Variants in PABPC4L observed in about 807,000 individuals in gnomAD.
The protein encoded by PABPC4L is polyadenylate-binding protein 4-like.
For missense variants in PABPC4L, 452 were observed against 451.4 expected (o/e 1.00, Z -0.01); for synonymous variants, 169 against 164.1 (o/e 1.03, Z -0.23).
chr4:134,000,499 TA>T, the PABPC4L span, among the ~76,000 whole-genome samples: 1 of 152,142 alleles, frequency 6.6e-6, no homozygotes, highest in Admixed American at 6.5e-5. Flanking sequence ...TAATCTAACC[TA>T]AAAAATTGGT....
At chr4:134,160,957 G>A in the PABPC4L span, among the ~76,000 whole-genome samples, 4 of 152,006 alleles carry the variant, frequency 2.6e-5, no homozygotes, top group East Asian at 1.9e-4. Context: ...ACCAGTGACC[G>A]ATTCTGGAGT....
the PABPC4L span, among the ~76,000 whole-genome samples, chr4:134,127,258 C>T: frequency 6.6e-6 from 1 of 152,048 alleles, no homozygotes; most frequent in Non-Finnish European, 1.5e-5. Flanking sequence ...CGCCCCCCAC[C>T]TGACCCTAGG....
chr4:134,067,529 G>A, the PABPC4L span, among the ~76,000 whole-genome samples: 3 of 151,662 alleles, frequency 2.0e-5, no homozygotes, highest in South Asian at 2.1e-4. Flanking sequence ...AATTTCCTTC[G>A]GTTCAGCTCT....
chr4:134,094,960 A>G, the PABPC4L span, among the ~76,000 whole-genome samples: 1 of 151,912 alleles, frequency 6.6e-6, no homozygotes, highest in Non-Finnish European at 1.5e-5. Context: ...AACAATTTAG[A>G]AAATTTTATA....
At chr4:133,981,546 AG>A in the PABPC4L span, among the ~76,000 whole-genome samples, 16 of 119,066 alleles carry the variant, frequency 1.3e-4, no homozygotes, top group African/African-American at 3.2e-4. Context: ...TTATCTTAAC[AG>A]GGGGAAAAAT....
At chr4:133,965,102 C>T in the PABPC4L span, among the ~76,000 whole-genome samples, 2 of 152,004 alleles carry the variant, frequency 1.3e-5, no homozygotes, top group South Asian at 2.1e-4. Context: ...CTAGAACTGA[C>T]AAAATAATTC....
At chr4:134,085,425 TATACACACATA>T in the PABPC4L span, among the ~76,000 whole-genome samples, 1 of 152,078 alleles carries the variant, frequency 6.6e-6, no homozygotes, top group Non-Finnish European at 1.5e-5. Context: ...ATTTATAAAA[TATACACACATA>T]ATACACAAAC....
At chr4:133,965,392 G>A in the PABPC4L span, among the ~76,000 whole-genome samples, 4 of 151,960 alleles carry the variant, frequency 2.6e-5, no homozygotes, top group African/African-American at 4.8e-5. Flanking sequence ...TGACCATACT[G>A]CCAAAAGCAA....
At chr4:134,062,462 T>C in the PABPC4L span, among the ~76,000 whole-genome samples, 1 of 151,976 alleles carries the variant, frequency 6.6e-6, no homozygotes, top group Non-Finnish European at 1.5e-5. Flanking sequence ...GCAAGTCTCT[T>C]ATTCATCTCA....
At chr4:134,201,268 T>G in intron 1 of PABPC4L, 23 bp from the exon 2 acceptor site, 1 of 1,491,852 alleles carries the variant, frequency 6.7e-7, no homozygotes, top group Non-Finnish European at 9.0e-7. Flanking sequence ...AAAGAGAGAT[T>G]ATTAGGACAA....
At chr4:133,979,155 A>T in the PABPC4L span, among the ~76,000 whole-genome samples, 3 of 152,240 alleles carry the variant, frequency 2.0e-5, no homozygotes, top group African/African-American at 7.2e-5. Context: ...CAATTATTAA[A>T]GTTGACTAAG....
chr4:133,968,584 G>C, the PABPC4L span, among the ~76,000 whole-genome samples: 2 of 152,118 alleles, frequency 1.3e-5, no homozygotes, highest in Non-Finnish European at 2.9e-5. Flanking sequence ...AGTGGCTCCA[G>C]TTGTGAATAC....
the PABPC4L span, among the ~76,000 whole-genome samples, chr4:134,136,942 T>C: frequency 6.6e-6 from 1 of 152,016 alleles, no homozygotes; most frequent in Non-Finnish European, 1.5e-5. Context: ...GAACGGATGA[T>C]GAGAGGAGGT....
the PABPC4L span, among the ~76,000 whole-genome samples, chr4:133,966,082 T>C: frequency 1.3e-5 from 2 of 152,126 alleles, no homozygotes; most frequent in Non-Finnish European, 2.9e-5. Context: ...AACAAAGGTC[T>C]AATATTCAGA....
At chr4:134,018,638 T>C in the PABPC4L span, among the ~76,000 whole-genome samples, 1 of 152,176 alleles carries the variant, frequency 6.6e-6, no homozygotes, top group Admixed American at 6.6e-5. Context: ...AGATTTTCTT[T>C]CTCTTTTGCC....
At chr4:134,048,223 A>G in the PABPC4L span, among the ~76,000 whole-genome samples, 1 of 152,158 alleles carries the variant, frequency 6.6e-6, no homozygotes, top group Non-Finnish European at 1.5e-5. Context: ...ATAAACTAAT[A>G]AATATACTTG....
chr4:134,028,438 CT>C, the PABPC4L span, among the ~76,000 whole-genome samples: 114,082 of 145,648 alleles, frequency 0.78, 44,868 homozygotes, highest in East Asian at 0.99. Context: ...ATTTCTTTTC[CT>C]TTTTTTTTTT....
At chr4:134,002,220 C>T in the PABPC4L span, among the ~76,000 whole-genome samples, 5 of 151,744 alleles carry the variant, frequency 3.3e-5, no homozygotes, top group Non-Finnish European at 7.4e-5. Context: ...AAATGAAAAA[C>T]TCATGCTTCT....
At chr4:134,074,265 C>T in the PABPC4L span, among the ~76,000 whole-genome samples, 2 of 152,114 alleles carry the variant, frequency 1.3e-5, no homozygotes, top group Admixed American at 1.3e-4. Flanking sequence ...GGGCAATATG[C>T]CAATAGTCTC....
Sources: allele counts gnomAD v4.1 joint callset (sites outside exome capture counted in the v4.1 genomes callset), GRCh38; gene constraint gnomAD v4.1.1; transcripts MANE v1.5; gene names NCBI Gene and HGNC (gene_info 2026-07-23, HGNC 2026-07-21).